The following PROB1 variants were observed in gnomAD, a reference collection of about 807,000 sequenced individuals.
The protein encoded by PROB1 is proline rich basic protein 1, also known as proline-rich basic protein 1.
For missense variants in PROB1, 1,453 were observed against 1,485.7 expected (o/e 0.98, Z 0.36); for synonymous variants, 660 against 699.3 (o/e 0.94, Z 0.89).
chr5:139,392,123 G>C lies in PROB1; in HGVS notation c.2959C>G (p.Pro987Ala). The C allele has an allele frequency of 4.2e-6, 6 of 1,412,174 alleles. No individual in the cohort carries two copies. The highest frequency in any genetic ancestry group is 5.6e-6 in the Non-Finnish European group (6 of 1,078,884). The allele number at this position is 1,412,174 out of a possible 1,614,324, so 87.5% of individuals were successfully genotyped here. ...GTYYLPVSGT[P>A]NPAPPLLLCA... ...AGGAGCAGAGGAGGTGCGGGGTTGG[G>C]GGTCCCGCTCACCGGCAGGTAGTAG... is the stretch of plus-strand genomic sequence containing the variant. The change falls in exon 1 of 1, where the codon CCC (proline) becomes GCC (alanine). Residue 987 changes from proline to alanine, a missense_variant. Physicochemically the swap from Pro to Ala is conservative, Grantham distance 27. Transcript: ENST00000434752. This position sits in a 1 kb window ranked among gnomAD's most constrained non-coding sequence, Gnocchi z 5.8.
rs925416840 is a variant in PROB1 at position 139,394,401 on chromosome 5, G to T, written c.681C>A (p.Arg227=). Residue 227 remains arginine (R), a synonymous_variant, in exon 1 of 1, where the codon CGC becomes CGA. Coordinates refer to ENST00000434752, the MANE Select transcript of PROB1 (RefSeq NM_001161546.2). ...AACCGGTGCGCAGGAGCAGCCGGGG[G>T]CGCGGCGCGCCGGCCGCCCTTGGGG... is the stretch of plus-strand genomic sequence containing the variant. The part of the protein sequence containing the change: ...QSPPRAAGAP[R]PRLLLRTGSL... 38 of 1,390,518 alleles carry T rather than the reference G, an allele frequency of 2.7e-5. No individual in the cohort carries two copies. The highest frequency in any genetic ancestry group is 3.4e-5 in the Non-Finnish European group (37 of 1,080,572). 86.1% of individuals were successfully genotyped at this position (1,390,518 alleles called of 1,614,324 possible).
rs1281677600 is a variant in PROB1 at position 139,394,580 on chromosome 5, C to T, written c.502G>A (p.Ala168Thr). Reference protein sequence around the residue: ...SQVPDGGSRWATYLELRPRGP... With the variant: ...SQVPDGGSRWTTYLELRPRGP... ...CGGGGCCGCAGCTCTAGGTAGGTGGCCCAGCGGGAGCCACCATCGGGGACC... is the reference window on the plus strand; with the variant it reads ...CGGGGCCGCAGCTCTAGGTAGGTGGTCCAGCGGGAGCCACCATCGGGGACC... Residue 168 changes from alanine to threonine, a missense_variant, in exon 1 of 1, where the codon GCC becomes ACC. Physicochemically the swap from Ala to Thr is moderately conservative, Grantham distance 58. Transcript: ENST00000434752. The T allele has an allele frequency of 1.3e-6, 2 of 1,527,394 alleles. No individual in the cohort carries two copies. The highest frequency in any genetic ancestry group is 1.8e-6 in the Non-Finnish European group (2 of 1,142,512). The allele number at this position is 1,527,394 out of a possible 1,614,324, so 94.6% of individuals were successfully genotyped here. A position where few individuals can be genotyped will look rare whatever the true frequency, so the allele number is the denominator to read the frequency against.
Position 139,392,424 on chromosome 5 carries a change from G to A in PROB1, c.2658C>T (p.Pro886=). The A allele has an allele frequency of 6.7e-7, 1 of 1,494,122 alleles. No individual in the cohort carries two copies. 92.6% of individuals were successfully genotyped at this position (1,494,122 alleles called of 1,614,324 possible). A position where few individuals can be genotyped will look rare whatever the true frequency, so the allele number is the denominator to read the frequency against. Residue 886 remains proline (P), a synonymous_variant, in exon 1 of 1, where the codon CCC becomes CCT. Transcript: ENST00000434752. The surrounding 1 kb of genome is among the most constrained non-coding windows in gnomAD (Gnocchi z 5.8). ...AAPLGKVLVD[P]ESGRYYFVEA... ...CCACAAAGTAGTAGCGGCCGCTCTC[G>A]GGGTCCACCAAGACCTTCCCCAGGG... is the stretch of plus-strand genomic sequence containing the variant.
chr5:139,394,409 C>G lies in PROB1; in HGVS notation c.673G>C (p.Ala225Pro), dbSNP rs1758658234. The G allele has an allele frequency of 1.4e-6, 2 of 1,388,382 alleles. No homozygotes were observed. The highest frequency in any genetic ancestry group is 1.5e-5 in the African/African-American group (1 of 65,148). The allele number at this position is 1,388,382 out of a possible 1,614,324, so 86.0% of individuals were successfully genotyped here. The change falls in exon 1 of 1, where the codon GCG becomes CCG. Residue 225 changes from alanine to proline, a missense_variant. Ala to Pro is a conservative substitution (Grantham distance 27). Coordinates refer to ENST00000434752, the MANE Select transcript of PROB1 (RefSeq NM_001161546.2). ...RPQSPPRAAG[A>P]PRPRLLLRTG... The stretch of plus-strand genomic sequence containing the variant: ...CGCAGGAGCAGCCGGGGGCGCGGCG[C>G]GCCGGCCGCCCTTGGGGGACTCTGG...
chr5:139,394,888 GC>G lies in PROB1; in HGVS notation c.193del (p.Ala65ArgfsTer107), dbSNP rs1424842964. 5.3e-6 allele frequency: 8 copies of G among 1,510,268 alleles called. No homozygotes were observed. Among genetic ancestry groups the G allele is most frequent in the East Asian group, 2.6e-5 (1 of 37,968 alleles). 93.6% of individuals were successfully genotyped at this position (1,510,268 alleles called of 1,614,324 possible). A position where few individuals can be genotyped will look rare whatever the true frequency, so the allele number is the denominator to read the frequency against. On this transcript the variant is annotated frameshift_variant, in exon 1 of 1. Coordinates refer to ENST00000434752, the MANE Select transcript of PROB1 (RefSeq NM_001161546.2). LOFTEE classifies it low-confidence loss of function (END_TRUNC). ...GACGGACAGGCGAGGCTGCGCGCCCGCCCCCCGCCCAGGAGCCACCCAGGGC... is the reference window on the plus strand; with the variant it reads ...GACGGACAGGCGAGGCTGCGCGCCCGCCCCCGCCCAGGAGCCACCCAGGGC... Reference protein sequence around the residue: ...NWPWVAPGRGAGAQPRLSVSA... With the variant: ...NWPWVAPGRGXGAQPRLSVSA...
chr5:139,394,414 G>C lies in PROB1; in HGVS notation c.668C>G (p.Ala223Gly), dbSNP rs936739507. 3 of 1,388,386 alleles carry C rather than the reference G, an allele frequency of 2.2e-6. No homozygotes were observed. Among genetic ancestry groups the C allele is most frequent in the Admixed American group, 3.6e-5 (1 of 27,434 alleles). The allele number at this position is 1,388,386 out of a possible 1,614,324, so 86.0% of individuals were successfully genotyped here. A position where few individuals can be genotyped will look rare whatever the true frequency, so the allele number is the denominator to read the frequency against. ...GAGCAGCCGGGGGCGCGGCGCGCCG[G>C]CCGCCCTTGGGGGACTCTGGGGCCG... ...RPRPQSPPRA[A>G]GAPRPRLLLR... The change falls in exon 1 of 1, where the codon GCC becomes GGC. Residue 223 changes from alanine to glycine, a missense_variant. Physicochemically the swap from Ala to Gly is moderately conservative, Grantham distance 60. Coordinates refer to ENST00000434752, the MANE Select transcript of PROB1 (RefSeq NM_001161546.2).
chr5:139,394,930 T>C lies in PROB1; in HGVS notation c.152A>G (p.Lys51Arg), dbSNP rs759829680. The change falls in exon 1 of 1, where the codon AAA becomes AGA. Residue 51 changes from lysine (K) to arginine (R), a missense_variant. Physicochemically the swap from Lys to Arg is conservative, Grantham distance 26. Coordinates refer to ENST00000434752, the MANE Select transcript of PROB1 (RefSeq NM_001161546.2). The stretch of plus-strand genomic sequence containing the variant: ...CACCCAGGGCCAATTCGCTGGGCCT[T>C]TCGCGTCCGGCCCAACGTCCGGGGG... ...PEPPDVGPDAKGPANWPWVAP... is the reference protein window; with the variant it reads ...PEPPDVGPDARGPANWPWVAP... 33 of 1,519,664 alleles carry C rather than the reference T, an allele frequency of 2.2e-5. No homozygotes were observed. The highest frequency in any genetic ancestry group is 2.7e-5 in the Non-Finnish European group (31 of 1,135,130). 94.1% of individuals were successfully genotyped at this position (1,519,664 alleles called of 1,614,324 possible).
In PROB1 at chr5:139,392,742, G is replaced by A; in HGVS notation, c.2340C>T (p.Gly780=). The change falls in exon 1 of 1, where the codon GGC becomes GGT. Residue 780 remains glycine, a synonymous_variant. Transcript: ENST00000434752. This position sits in a 1 kb window ranked among gnomAD's most constrained non-coding sequence, Gnocchi z 5.8. The stretch of plus-strand genomic sequence containing the variant: ...AGCGCTGGGATGAGCTGCGGGCGCC[G>A]CCTAGAGGGCTGGTCCGACCGTCGC... The part of the protein sequence containing the change: ...PDGDGRTSPL[G]GARSSSQRSP... 1 of 1,420,610 alleles carries A rather than the reference G, an allele frequency of 7.0e-7. No individual in the cohort carries two copies. The highest frequency in any genetic ancestry group is 1.5e-5 in the South Asian group (1 of 64,726). The allele number at this position is 1,420,610 out of a possible 1,614,324, so 88.0% of individuals were successfully genotyped here. A position where few individuals can be genotyped will look rare whatever the true frequency, so the allele number is the denominator to read the frequency against.
chr5:139,395,078 G>C lies in PROB1; in HGVS notation c.4C>G (p.Leu2Val). The C allele has an allele frequency of 1.4e-6, 2 of 1,401,324 alleles. No homozygotes were observed. The highest frequency in any genetic ancestry group is 3.2e-5 in the South Asian group (2 of 62,726). The allele number at this position is 1,401,324 out of a possible 1,614,324, so 86.8% of individuals were successfully genotyped here. The change falls in exon 1 of 1, where the codon CTG becomes GTG. Residue 2 changes from leucine (L) to valine (V), a missense_variant. By Grantham distance (32) the Leu-to-Val change is conservative. Transcript: ENST00000434752. M[L>V]TALAPPALPG... is the part of the protein sequence containing the mutation. ...AGGGCTGGCGGGGCGAGCGCGGTCA[G>C]CATGGTGGGGCCGGACGCCGTGCAC...
rs951751187 is a variant in PROB1, at chr5:139,393,765, A to T, written c.1317T>A (p.Asn439Lys). ...LFPEASSEWE[N>K]QNPAVEETVS... ...CAGTTTCCTCGACGGCAGGATTTTGATTTTCCCACTCGGAGGAGGCTTCAG... is the reference window on the plus strand; with the variant it reads ...CAGTTTCCTCGACGGCAGGATTTTGTTTTTCCCACTCGGAGGAGGCTTCAG... The change falls in exon 1 of 1, where the codon AAT becomes AAA. Residue 439 changes from asparagine (N) to lysine (K), a missense_variant. Coordinates refer to ENST00000434752, the MANE Select transcript of PROB1 (RefSeq NM_001161546.2). 8 of 1,551,190 alleles carry T rather than the reference A, an allele frequency of 5.2e-6. No homozygotes were observed. The highest frequency in any genetic ancestry group is 7.0e-6 in the Non-Finnish European group (8 of 1,146,932).
Position 139,392,920 on chromosome 5 carries a change from T to G in PROB1, c.2162A>C (p.Glu721Ala). The change falls in exon 1 of 1, where the codon GAG (glutamate) becomes GCG (alanine). Residue 721 changes from glutamate to alanine, a missense_variant. By Grantham distance (107) the Glu-to-Ala change is moderately radical. Transcript: ENST00000434752. The surrounding 1 kb of genome is among the most constrained non-coding windows in gnomAD (Gnocchi z 5.8). ...QPNGVLRRRAENSTAKPFKRT... is the reference protein window; with the variant it reads ...QPNGVLRRRAANSTAKPFKRT... ...CTTGAAGGGCTTCGCCGTGCTGTTC[T>G]CTGCCCTCCGCCGCAGGACCCCGTT... The G allele has an allele frequency of 1.3e-6, 2 of 1,532,072 alleles. No individual in the cohort carries two copies. Among genetic ancestry groups the G allele is most frequent in the Non-Finnish European group, 1.8e-6 (2 of 1,135,424 alleles). 94.9% of individuals were successfully genotyped at this position (1,532,072 alleles called of 1,614,324 possible). A position where few individuals can be genotyped will look rare whatever the true frequency, so the allele number is the denominator to read the frequency against.
In PROB1 at chr5:139,393,352, C is replaced by T. The variant is rs1342641177; in HGVS notation, c.1730G>A (p.Gly577Glu). 1 of 1,551,316 alleles carries T rather than the reference C, an allele frequency of 6.4e-7. No homozygotes were observed. The highest frequency in any genetic ancestry group is 1.4e-5 in the African/African-American group (1 of 73,060). Residue 577 changes from glycine to glutamate, a missense_variant, in exon 1 of 1, where the codon GGG becomes GAG. Gly to Glu is a moderately conservative substitution (Grantham distance 98). Transcript: ENST00000434752. ...TREISDLAFGGSQQSPEVAAP... is the reference protein window; with the variant it reads ...TREISDLAFGESQQSPEVAAP... Reference sequence around the variant, plus strand: ...TGCTACCTCTGGGGACTGCTGACTCCCTCCAAAGGCAAGATCTGAAATTTC... The same window carrying T: ...TGCTACCTCTGGGGACTGCTGACTCTCTCCAAAGGCAAGATCTGAAATTTC...
rs1758643622 is a variant in PROB1 at position 139,393,892 on chromosome 5, C to T, written c.1190G>A (p.Arg397Gln). 3 of 1,548,564 alleles carry T rather than the reference C, an allele frequency of 1.9e-6. No homozygotes were observed. The highest frequency in any genetic ancestry group is 2.8e-5 in the African/African-American group (2 of 72,244). The stretch of plus-strand genomic sequence containing the variant: ...CCGTACAGCCCCATTTGGAGTCTGC[C>T]GTGGCGGGGACGGGCTCCTTGGCCT... ...AVRPRSPSPPRQTPNGAVRGP... is the reference protein window; with the variant it reads ...AVRPRSPSPPQQTPNGAVRGP... Residue 397 changes from arginine to glutamine, a missense_variant, in exon 1 of 1, where the codon CGG becomes CAG. Transcript: ENST00000434752.
chr5:139,392,816 G>A lies in PROB1; in HGVS notation c.2266C>T (p.Pro756Ser). Residue 756 changes from proline (P) to serine (S), a missense_variant, in exon 1 of 1, where the codon CCT (proline) becomes TCT (serine). Coordinates refer to ENST00000434752, the MANE Select transcript of PROB1 (RefSeq NM_001161546.2). This position sits in a 1 kb window ranked among gnomAD's most constrained non-coding sequence, Gnocchi z 5.8. ...TCTACATCCCTGTTCTCTCCTCCAG[G>A]GCCGCGCGCTCGCACTCGCGAGGTT... The part of the protein sequence containing the change: ...EVTSRVRARG[P>S]GGENRDVEAQ... 1 of 1,516,170 alleles carries A rather than the reference G, an allele frequency of 6.6e-7. No individual in the cohort carries two copies. Among genetic ancestry groups the A allele is most frequent in the Non-Finnish European group, 8.9e-7 (1 of 1,129,590 alleles). The allele number at this position is 1,516,170 out of a possible 1,614,324, so 93.9% of individuals were successfully genotyped here. A position where few individuals can be genotyped will look rare whatever the true frequency, so the allele number is the denominator to read the frequency against.
rs1302153806 is a variant in PROB1 at position 139,394,887 on chromosome 5, C to T, written c.195G>A (p.Ala65=). The T allele has an allele frequency of 1.3e-6, 2 of 1,511,368 alleles. No individual in the cohort carries two copies. The highest frequency in any genetic ancestry group is 2.9e-5 in the African/African-American group (2 of 68,850). 93.6% of individuals were successfully genotyped at this position (1,511,368 alleles called of 1,614,324 possible). The change falls in exon 1 of 1, where the codon GCG becomes GCA. Residue 65 remains alanine, a synonymous_variant. Coordinates refer to ENST00000434752, the MANE Select transcript of PROB1 (RefSeq NM_001161546.2). ...NWPWVAPGRG[A]GAQPRLSVSA... is the part of the protein sequence containing the mutation. ...TGACGGACAGGCGAGGCTGCGCGCC[C>T]GCCCCCCGCCCAGGAGCCACCCAGG...
chr5:139,393,655 G>A lies in PROB1; in HGVS notation c.1427C>T (p.Pro476Leu), dbSNP rs1320210176. The change falls in exon 1 of 1, where the codon CCT (proline) becomes CTT (leucine). Residue 476 changes from proline to leucine, a missense_variant. Coordinates refer to ENST00000434752, the MANE Select transcript of PROB1 (RefSeq NM_001161546.2). ...AGERSPSLEA[P>L]SLWEIPHSAV... ...CGAATGTGGAATCTCCCACAGGGAA[G>A]GGGCTTCGAGGGACGGGCTCCTTTC... The A allele has an allele frequency of 6.4e-7, 1 of 1,550,892 alleles. No homozygotes were observed.
In PROB1 at chr5:139,394,339, G is replaced by A. The variant is rs1238448347; in HGVS notation, c.743C>T (p.Ala248Val). The change falls in exon 1 of 1, where the codon GCG (alanine) becomes GTG (valine). Residue 248 changes from alanine (A) to valine (V), a missense_variant. Ala to Val is a moderately conservative substitution (Grantham distance 64). Transcript: ENST00000434752. ...DESLGPLQAA[A>V]GFVQTALARK... is the part of the protein sequence containing the mutation. Reference sequence around the variant, plus strand: ...GGCCAACGCCGTCTGCACGAAGCCCGCGGCGGCCTGCAGGGGGCCCAGCGA... The same window carrying A: ...GGCCAACGCCGTCTGCACGAAGCCCACGGCGGCCTGCAGGGGGCCCAGCGA... 2 of 1,441,882 alleles carry A rather than the reference G, an allele frequency of 1.4e-6. No homozygotes were observed. Among genetic ancestry groups the A allele is most frequent in the South Asian group, 1.5e-5 (1 of 68,618 alleles). The allele number at this position is 1,441,882 out of a possible 1,614,324, so 89.3% of individuals were successfully genotyped here.
At position 139,392,783 on chromosome 5, in the gene PROB1, G is replaced by C; in HGVS notation, c.2299C>G (p.Arg767Gly). Residue 767 changes from arginine (R) to glycine (G), a missense_variant, in exon 1 of 1, where the codon CGC becomes GGC. Arg to Gly is a moderately radical substitution (Grantham distance 125). Transcript: ENST00000434752. The surrounding 1 kb of genome is among the most constrained non-coding windows in gnomAD (Gnocchi z 5.8). ...GGENRDVEAQ[R>G]LVPDGDGRTS... The stretch of plus-strand genomic sequence containing the variant: ...CGACCGTCGCCGTCGGGGACCAGGC[G>C]CTGGGCCTCTACATCCCTGTTCTCT... The C allele has an allele frequency of 6.9e-7, 1 of 1,450,476 alleles. No individual in the cohort carries two copies. Among genetic ancestry groups the C allele is most frequent in the African/African-American group, 1.5e-5 (1 of 68,924 alleles). The allele number at this position is 1,450,476 out of a possible 1,614,324, so 89.9% of individuals were successfully genotyped here. A position where few individuals can be genotyped will look rare whatever the true frequency, so the allele number is the denominator to read the frequency against.
Position 139,392,614 on chromosome 5 carries a change from G to A in PROB1, c.2468C>T (p.Thr823Met), listed in dbSNP as rs1290194625. ...GACGGCAGCCGCGGGCTCGGGGGCC[G>A]TAGGTGGTGTCTTCGGTTTGGGTGC... ...GIAPKPKTPP[T>M]APEPAAAVQA... The change falls in exon 1 of 1, where the codon ACG (threonine) becomes ATG (methionine). Residue 823 changes from threonine to methionine, a missense_variant. Coordinates refer to ENST00000434752, the MANE Select transcript of PROB1 (RefSeq NM_001161546.2). This position sits in a 1 kb window ranked among gnomAD's most constrained non-coding sequence, Gnocchi z 5.8. 3 of 1,378,260 alleles carry A rather than the reference G, an allele frequency of 2.2e-6. No individual in the cohort carries two copies. Among genetic ancestry groups the A allele is most frequent in the African/African-American group, 3.1e-5 (2 of 65,212 alleles). 85.4% of individuals were successfully genotyped at this position (1,378,260 alleles called of 1,614,324 possible).
Sources: allele counts gnomAD v4.1 joint callset, GRCh38; gene constraint gnomAD v4.1.1; non-coding constraint Gnocchi (gnomAD v3.1); transcripts MANE v1.5; gene names NCBI Gene and HGNC (gene_info 2026-07-23, HGNC 2026-07-21).